The following PCDH15 variants were observed in gnomAD, a reference collection of about 807,000 sequenced individuals.
PCDH15 encodes the protein protocadherin related 15.
Under a neutral mutation model 178.5 loss-of-function variants are expected in PCDH15, and 129 were observed. The observed-to-expected ratio is 0.72, with a 90% CI of 0.63 to 0.84. PCDH15 has a LOEUF of 0.84. Ranked by LOEUF, PCDH15 falls within the 40% of genes least tolerant of loss-of-function variation. The pLI is 0.00. For missense variants in PCDH15, 2,230 were observed against 2,099.9 expected, an observed-to-expected ratio of 1.06 and a Z score of -1.21; for synonymous variants, 800 against 732.0, an observed-to-expected ratio of 1.09 and a Z score of -1.50.
chr10:55,420,199 T>G (rs145522134), intron 2 of PCDH15, among the ~76,000 whole-genome samples: 70 of 151,854 alleles, frequency 4.6e-4, no homozygotes, highest in African/African-American at 1.5e-3. Flanking sequence ...TTAAAATTTG[T>G]GTGTCAATAA....
intron 2 of PCDH15, among the ~76,000 whole-genome samples, chr10:54,644,628 G>A (rs1590790493): frequency 1.3e-5 from 2 of 151,882 alleles, no homozygotes; most frequent in Admixed American, 6.6e-5. Flanking sequence ...TCTATTGAAC[G>A]TCTCTAATGA....
intron 30 of PCDH15, among the ~76,000 whole-genome samples, chr10:53,829,443 T>A (rs1040694172): frequency 3.9e-5 from 6 of 152,228 alleles, no homozygotes; most frequent in Non-Finnish European, 8.8e-5. Flanking sequence ...ACTGATTTGC[T>A]TGCTAGCAGG....
chr10:54,708,068 A>T (rs996329641), intron 1 of PCDH15, among the ~76,000 whole-genome samples: 5 of 152,220 alleles, frequency 3.3e-5, no homozygotes, highest in African/African-American at 1.2e-4. Context: ...ATAAAATAAC[A>T]TGCATATGTT....
intron 2 of PCDH15, among the ~76,000 whole-genome samples, chr10:55,595,311 C>T (rs1842916906): frequency 1.3e-5 from 2 of 152,048 alleles, no homozygotes; most frequent in East Asian, 1.9e-4. Flanking sequence ...TTTTAAACTT[C>T]ATCTGTATTA....
chr10:55,416,972 A>T (rs1838498297), intron 2 of PCDH15, among the ~76,000 whole-genome samples: 1 of 151,956 alleles, frequency 6.6e-6, no homozygotes, highest in East Asian at 1.9e-4. Context: ...GGGACTATAA[A>T]GACATATGAA....
intron 2 of PCDH15, among the ~76,000 whole-genome samples, chr10:54,920,986 C>T (rs1441401051): frequency 6.6e-6 from 1 of 152,126 alleles, no homozygotes; most frequent in African/African-American, 2.4e-5. Flanking sequence ...GCCAATGAAG[C>T]CCCATTCTTC....
At chr10:54,332,254 T>C (rs1336600470) in intron 6 of PCDH15, among the ~76,000 whole-genome samples, 1 of 129,642 alleles carries the variant, frequency 7.7e-6, no homozygotes, top group African/African-American at 2.8e-5. Flanking sequence ...ATATATAATC[T>C]ATATTATATA....
At chr10:54,052,443 T>A (rs115976646) in intron 18 of PCDH15, among the ~76,000 whole-genome samples, 2,406 of 152,280 alleles carry the variant, frequency 0.016, 64 homozygotes, top group African/African-American at 0.052. Context: ...AACTTTAAGG[T>A]TTAATGACTG....
At chr10:53,821,245 A>C in intron 32 of PCDH15, 1 of 984,322 alleles carries the variant, frequency 1.0e-6, no homozygotes, top group Non-Finnish European at 1.2e-6. Flanking sequence ...TACTAAGATA[A>C]AAGCAAGTCA....
chr10:55,426,985 C>T (rs1165479393), intron 2 of PCDH15, among the ~76,000 whole-genome samples: 1 of 151,862 alleles, frequency 6.6e-6, no homozygotes. Flanking sequence ...ATGGTGGGTA[C>T]ATCAGGCCAT....
chr10:53,850,697 C>T (rs915017513), intron 28 of PCDH15, among the ~76,000 whole-genome samples: 3 of 152,076 alleles, frequency 2.0e-5, no homozygotes, highest in Admixed American at 1.3e-4. Flanking sequence ...ATTACAGAAA[C>T]ATTATTTTCA....
intron 3 of PCDH15, among the ~76,000 whole-genome samples, chr10:54,436,186 T>C (rs2075407985): frequency 1.3e-5 from 2 of 149,788 alleles, no homozygotes. Context: ...GGAAAGAAGT[T>C]CAGCAATGGA....
At chr10:54,238,538 C>G (rs1020902164) in intron 8 of PCDH15, among the ~76,000 whole-genome samples, 1 of 151,902 alleles carries the variant, frequency 6.6e-6, no homozygotes. Context: ...ACTCTATTCT[C>G]TCCTTTAAAC....
At chr10:55,203,696 T>C (rs943422356) in intron 1 of PCDH15, among the ~76,000 whole-genome samples, 6 of 152,086 alleles carry the variant, frequency 3.9e-5, no homozygotes, top group Admixed American at 1.3e-4. Flanking sequence ...ATAAATATTT[T>C]CCCAAGAAGA....
intron 2 of PCDH15, among the ~76,000 whole-genome samples, chr10:55,446,239 TAAAG>T (rs1469928148): frequency 1.3e-5 from 2 of 149,470 alleles, no homozygotes; most frequent in Admixed American, 6.7e-5. Flanking sequence ...ACAAACAAAA[TAAAG>T]AAACCTAGAA....
At chr10:55,146,689 T>C (rs1838522510) in intron 2 of PCDH15, among the ~76,000 whole-genome samples, 1 of 151,966 alleles carries the variant, frequency 6.6e-6, no homozygotes, top group South Asian at 2.1e-4. Context: ...AACTTCTATA[T>C]GTTTTATATT....
intron 1 of PCDH15, among the ~76,000 whole-genome samples, chr10:54,723,606 G>T (rs78522258): frequency 0.012 from 1,831 of 151,714 alleles, 40 homozygotes; most frequent in African/African-American, 0.042. Context: ...AGATTAAACA[G>T]ATAACCTAAA....
chr10:55,284,484 G>C (rs1412887920), intron 1 of PCDH15, among the ~76,000 whole-genome samples: 2 of 151,930 alleles, frequency 1.3e-5, no homozygotes, highest in Non-Finnish European at 2.9e-5. Flanking sequence ...AATGAGTTAT[G>C]GTCATAAAGG....
At chr10:55,277,353 C>T (rs1006028588) in intron 1 of PCDH15, among the ~76,000 whole-genome samples, 4 of 151,814 alleles carry the variant, frequency 2.6e-5, no homozygotes, top group Non-Finnish European at 4.4e-5. Context: ...AAAAATAACC[C>T]TGTGATTCAT....
Sources: gnomAD v4.1 joint callset for allele counts (sites outside exome capture counted in the v4.1 genomes callset) on GRCh38, gnomAD v4.1.1 for gene constraint, MANE v1.5 for transcripts, NCBI Gene and HGNC (gene_info 2026-07-23, HGNC 2026-07-21) for gene names.